The following CIT variants were observed in gnomAD, a reference collection of about 807,000 sequenced individuals.
CIT encodes citron Rho-interacting kinase.
A neutral mutation model predicts 272.7 loss-of-function variants in CIT; 79 were observed. The ratio of observed to expected loss-of-function variants is 0.29; its 90% CI spans 0.24 to 0.35. The LOEUF is 0.35. Ranked by LOEUF, CIT falls within the 10% of genes least tolerant of loss-of-function variation. CIT has a pLI of 1.00. For synonymous variants in CIT, 948 were observed against 995.6 expected (o/e 0.95, Z 0.90); for missense variants, 1,909 against 2,618.3 (o/e 0.73, Z 5.91).
At chr12:119,814,031 A>C (rs1229416071) in intron 9 of CIT, among the ~76,000 whole-genome samples, 1 of 152,054 alleles carries the variant, frequency 6.6e-6, no homozygotes, top group East Asian at 1.9e-4. Flanking sequence ...CTTAACAGGA[A>C]CTTCCTTGTT....
chr12:119,776,895 G>C, intron 13 of CIT, 53 bp from the exon 14 acceptor site: 1 of 1,567,368 alleles, frequency 6.4e-7, no homozygotes, highest in East Asian at 2.2e-5. Context: ...GAAAAGAATA[G>C]ACAGGCAGTG....
chr12:119,713,796 T>G lies in CIT; in HGVS notation c.4307-148A>C. On this transcript the variant is annotated intron_variant, in intron 33 of 47. Transcript: ENST00000392521. This position sits in a 1 kb window ranked among gnomAD's most constrained non-coding sequence, Gnocchi z 5.2. ...TGCAGGTAGTCTCCTGAGCTTCCCCTGGTGCCAGGCCCCTGCAGAAAGGGA... is the reference window on the plus strand; with the variant it reads ...TGCAGGTAGTCTCCTGAGCTTCCCCGGGTGCCAGGCCCCTGCAGAAAGGGA... The G allele has an allele frequency of 2.0e-5, 16 of 789,120 alleles. No individual in the cohort carries two copies. The South Asian group carries it at 2.7e-4, about 13-fold the overall frequency. The allele number at this position is 789,120 out of a possible 1,614,324, so 48.9% of individuals were successfully genotyped here. A position where few individuals can be genotyped will look rare whatever the true frequency, so the allele number is the denominator to read the frequency against.
chr12:119,867,630 T>C (rs1950552022), intron 3 of CIT, among the ~76,000 whole-genome samples: 1 of 152,188 alleles, frequency 6.6e-6, no homozygotes, highest in Non-Finnish European at 1.5e-5. Context: ...TTGTGCACTG[T>C]AAGGTGTTTG....
chr12:119,698,666 G>T (rs1483136840), intron 44 of CIT, among the ~76,000 whole-genome samples: 2 of 151,864 alleles, frequency 1.3e-5, no homozygotes, highest in East Asian at 3.9e-4. Context: ...GGCTCTCTTT[G>T]TACAGATATG....
intron 22 of CIT, among the ~76,000 whole-genome samples, chr12:119,754,878 A>G (rs1019570688): frequency 2.0e-5 from 3 of 152,242 alleles, no homozygotes; most frequent in Admixed American, 6.5e-5. Context: ...GAGCTACAGC[A>G]GCAGGGCAGG....
chr12:119,769,101 T>C lies in CIT; in HGVS notation c.2208+1684A>G, dbSNP rs536179020. Among the ~76,000 whole-genome samples the C allele has an allele frequency of 1.2e-4, 18 of 151,494 alleles. No homozygotes were observed. The South Asian group carries it at 3.7e-3, about 32-fold the overall frequency. ...TTTTTTTTTTTTTTTCCAGTTTCGG[T>C]CTTCATAAGATAGCACAGGAATGGA... On this transcript the variant is annotated intron_variant, in intron 18 of 47. Transcript: ENST00000392521.
chr12:119,724,368 T>C (rs1250091244), intron 28 of CIT, among the ~76,000 whole-genome samples: 4 of 152,200 alleles, frequency 2.6e-5, no homozygotes, highest in Admixed American at 2.6e-4. Flanking sequence ...GATATCAGAC[T>C]ACTTTCTAAT....
At chr12:119,832,964 T>A in intron 6 of CIT, 100 bp from the exon 7 acceptor site, 1 of 819,026 alleles carries the variant, frequency 1.2e-6, no homozygotes, top group South Asian at 1.5e-5. Context: ...TGTTTATGTA[T>A]TCTGTTATAT....
At position 119,708,325 on chromosome 12, in the gene CIT, A is replaced by G. The variant is rs753732512; in HGVS notation, c.5072-7T>C. ...CACAGTGCCCGCTCTTCTCCTGAAC[A>G]GGAAAAGGAACAACCTCTCGTCAGT... On this transcript the variant is annotated splice_region_variant and splice_polypyrimidine_tract_variant and intron_variant, in intron 39 of 47. Coordinates refer to ENST00000392521, the MANE Select transcript of CIT (RefSeq NM_001206999.2). 1.2e-4 allele frequency: 182 copies of G among 1,573,912 alleles called. No homozygotes were observed. Among genetic ancestry groups the G allele is most frequent in the Non-Finnish European group, 8.6e-7 (1 of 1,159,220 alleles).
At chr12:119,858,460 T>C (rs1950233308) in intron 3 of CIT, among the ~76,000 whole-genome samples, 1 of 150,138 alleles carries the variant, frequency 6.7e-6, no homozygotes, top group African/African-American at 2.5e-5. Context: ...GAGGACACAA[T>C]GAGCTGAGAT....
Position 119,834,245 on chromosome 12 carries a change from A to G in CIT, c.517-17T>C. On this transcript the variant is annotated splice_polypyrimidine_tract_variant and intron_variant, in intron 5 of 47. Transcript: ENST00000392521. ...TTCCATGACCTGTATAGAATGCCAAAGTTATTAATTCTTCACACACCCAAA... is the reference window on the plus strand; with the variant it reads ...TTCCATGACCTGTATAGAATGCCAAGGTTATTAATTCTTCACACACCCAAA... 6.4e-7 allele frequency: 1 copy of G among 1,573,728 alleles called. No homozygotes were observed. Among genetic ancestry groups the G allele is most frequent in the Non-Finnish European group, 8.6e-7 (1 of 1,163,050 alleles).
Position 119,869,174 on chromosome 12 carries a change from G to A in CIT, c.124C>T (p.Gln42Ter). 6.2e-7 allele frequency: 1 copy of A among 1,609,154 alleles called. No individual in the cohort carries two copies. Among genetic ancestry groups the A allele is most frequent in the Non-Finnish European group, 8.5e-7 (1 of 1,178,978 alleles). The part of the protein sequence containing the change: ...QGKPPFMTQQ[Q>*]MSPLSREGIL... ...CCTTCTCGGGAAAGAGGAGACATCT[G>A]CTGTTGAGTCATAAAGGGTGGTTTC... The change falls in exon 3 of 48, where the codon CAG becomes TAG. Residue 42 changes from glutamine (Q) to a stop codon, truncating the protein, a stop_gained. Transcript: ENST00000392521. LOFTEE classifies it high-confidence loss of function.
In CIT at chr12:119,688,215, G is replaced by GT. The variant is rs1955686525; in HGVS notation, c.*16dup. On this transcript the variant is annotated 3_prime_UTR_variant, in exon 48 of 48. Coordinates refer to ENST00000392521, the MANE Select transcript of CIT (RefSeq NM_001206999.2). ...TCCTGCAGATCAAGATGAGGAGTTG[G>GT]TTTTTCTGGCTGAGATTTATACTGA... The GT allele has an allele frequency of 1.2e-6, 2 of 1,612,596 alleles. No homozygotes were observed. Among genetic ancestry groups the GT allele is most frequent in the African/African-American group, 2.7e-5 (2 of 74,912 alleles).
chr12:119,785,358 T>C (rs979890788), intron 10 of CIT, among the ~76,000 whole-genome samples: 16 of 152,108 alleles, frequency 1.1e-4, no homozygotes, highest in African/African-American at 3.6e-4. Flanking sequence ...ACAAGGATCC[T>C]TATAAGATGG....
intron 10 of CIT, among the ~76,000 whole-genome samples, chr12:119,801,158 C>T (rs1397290994): frequency 6.6e-6 from 1 of 152,152 alleles, no homozygotes; most frequent in African/African-American, 2.4e-5. Flanking sequence ...ATTAAACATT[C>T]TGTTGGGTCA....
At position 119,701,719 on chromosome 12, in the gene CIT, G is replaced by A. The variant is rs1257363725; in HGVS notation, c.5447C>T (p.Pro1816Leu). 2 of 1,614,250 alleles carry A rather than the reference G, an allele frequency of 1.2e-6. No individual in the cohort carries two copies. Among genetic ancestry groups the A allele is most frequent in the African/African-American group, 1.3e-5 (1 of 75,072 alleles). ...FLDKNDHSLA[P>L]AVFAASSNSF... ...GTTGGAAGAGGCGGCAAACACAGCA[G>A]GTGCCAAGGAATGGTCATTCTTATC... Residue 1816 changes from proline (P) to leucine (L), a missense_variant, in exon 43 of 48, where the codon CCT (proline) becomes CTT (leucine). By Grantham distance (98) the Pro-to-Leu change is moderately conservative. This residue lies in a region of CIT where 780 missense variants were observed against 1,067.2 expected (regional missense o/e 0.73). Coordinates refer to ENST00000392521, the MANE Select transcript of CIT (RefSeq NM_001206999.2).
At chr12:119,841,702 A>G (rs758325603) in intron 5 of CIT, among the ~76,000 whole-genome samples, 4 of 152,188 alleles carry the variant, frequency 2.6e-5, no homozygotes, top group Non-Finnish European at 4.4e-5. Flanking sequence ...TAGAAAAAGA[A>G]TTTGCTTACT....
At chr12:119,796,309 G>A (rs942130119) in intron 10 of CIT, among the ~76,000 whole-genome samples, 1 of 152,184 alleles carries the variant, frequency 6.6e-6, no homozygotes, top group Admixed American at 6.5e-5. Flanking sequence ...CAGAGGCAAG[G>A]GAATCACTGA....
In CIT at chr12:119,776,735, C is replaced by T; in HGVS notation, c.1773G>A (p.Glu591=). 1 of 1,614,114 alleles carries T rather than the reference C, an allele frequency of 6.2e-7. No individual in the cohort carries two copies. The highest frequency in any genetic ancestry group is 1.3e-5 in the African/African-American group (1 of 75,048). The change falls in exon 14 of 48, where the codon GAG becomes GAA. Residue 591 remains glutamate, a synonymous_variant. Transcript: ENST00000392521. The stretch of plus-strand genomic sequence containing the variant: ...TGAATTCTTCAGCAGCAAGCCGAGA[C>T]TCTCTCAGCTCAGATTCGTAGAGAT... ...RSDLYESELR[E]SRLAAEEFKR...
Sources: allele counts gnomAD v4.1 joint callset (sites outside exome capture counted in the v4.1 genomes callset), GRCh38; gene constraint gnomAD v4.1.1; regional missense constraint gnomAD v4.1.1; non-coding constraint Gnocchi (gnomAD v3.1); transcripts MANE v1.5; gene names NCBI Gene and HGNC (gene_info 2026-07-23, HGNC 2026-07-21).